WDR37: variants seen among roughly 807,000 people sequenced by gnomAD.
WDR37 encodes the protein WD repeat-containing protein 37.
In WDR37, 19 loss-of-function variants were observed where a neutral mutation model predicts 62.9. The ratio of observed to expected loss-of-function variants is 0.30; its 90% confidence interval spans 0.21 to 0.44. The LOEUF (loss-of-function observed/expected upper bound fraction) is 0.44, where lower values mean the gene tolerates loss of function less well. Among genes scored for constraint, WDR37 ranks in the 20% least tolerant of loss-of-function variants. WDR37 has a pLI of 1.00. For synonymous variants in WDR37, 250 were observed against 260.9 expected (o/e 0.96, Z 0.40); for missense variants, 474 against 657.6 (o/e 0.72, Z 3.05).
intron 9 of WDR37, among the ~76,000 whole-genome samples, chr10:1,097,895 G>C (rs1208724576): frequency 6.6e-6 from 1 of 152,178 alleles, no homozygotes. Context: ...TACGGCTGGA[G>C]GGGAGCTCAG....
chr10:1,126,075 G>A (rs1353550664), intron 13 of WDR37, among the ~76,000 whole-genome samples: 1 of 152,204 alleles, frequency 6.6e-6, no homozygotes, highest in Non-Finnish European at 1.5e-5. Flanking sequence ...GCTCTCCCCT[G>A]GGAGGTCACA....
At chr10:1,074,604 G>A in intron 2 of WDR37, 4 of 1,092,224 alleles carry the variant, frequency 3.7e-6, no homozygotes, top group Non-Finnish European at 5.0e-6. Context: ...CCTGCCGTGG[G>A]CGGGAGAGAG....
chr10:1,089,351 T>C (rs1225381648), intron 7 of WDR37, among the ~76,000 whole-genome samples: 1 of 152,104 alleles, frequency 6.6e-6, no homozygotes, highest in Non-Finnish European at 1.5e-5. Flanking sequence ...CGTCAGCTAG[T>C]GGGGCTTCCA....
At chr10:1,110,536 G>C (rs1835180469) in intron 11 of WDR37, among the ~76,000 whole-genome samples, 1 of 152,200 alleles carries the variant, frequency 6.6e-6, no homozygotes, top group Non-Finnish European at 1.5e-5. Flanking sequence ...ACCAGGGTGA[G>C]GGCCTCGCAG....
chr10:1,092,214 C>G (rs1431027105), intron 7 of WDR37, among the ~76,000 whole-genome samples: 3 of 142,864 alleles, frequency 2.1e-5, no homozygotes, highest in Non-Finnish European at 1.5e-5. Context: ...TGATAGCTTC[C>G]TCAGACCTCT....
At chr10:1,091,760 C>G (rs1014756802) in intron 7 of WDR37, among the ~76,000 whole-genome samples, 11 of 152,152 alleles carry the variant, frequency 7.2e-5, no homozygotes, top group African/African-American at 2.2e-4. Flanking sequence ...GAGCCGGGCT[C>G]TGTGTTCAAT....
chr10:1,073,749 C>T (rs1053113411), intron 2 of WDR37, among the ~76,000 whole-genome samples: 1 of 152,162 alleles, frequency 6.6e-6, no homozygotes, highest in Non-Finnish European at 1.5e-5. Context: ...TGTGGCTCGC[C>T]GACACCATCT....
At position 1,093,880 on chromosome 10, in the gene WDR37, G is replaced by C. The variant is rs538371417; in HGVS notation, c.649+384G>C. On this transcript the variant is annotated intron_variant, in intron 8 of 13. Transcript: ENST00000263150. ...GAGGAAAAGAGAAAAGTAGCACAGA[G>C]ACACAGCAAGTTGCCAATGTCAGCA... Among the ~76,000 whole-genome samples, 33 of 152,334 alleles carry C rather than the reference G, an allele frequency of 2.2e-4. No individual in the cohort carries two copies. In the South Asian group the frequency reaches 5.2e-3, roughly 24 times the overall value.
intron 11 of WDR37, among the ~76,000 whole-genome samples, chr10:1,115,023 CTTT>C (rs1404137483): frequency 1.3e-5 from 2 of 148,214 alleles, no homozygotes; most frequent in African/African-American, 2.4e-5. Context: ...CCCCATCTCC[CTTT>C]TTTGTTTTTT....
At chr10:1,075,298 A>G (rs1006716873) in intron 2 of WDR37, among the ~76,000 whole-genome samples, 6 of 124,658 alleles carry the variant, frequency 4.8e-5, no homozygotes, top group Non-Finnish European at 8.4e-5. Context: ...TTTTAAATTT[A>G]TACTTTAAGT....
intron 13 of WDR37, among the ~76,000 whole-genome samples, chr10:1,125,586 G>A (rs1186134813): frequency 6.6e-6 from 1 of 152,200 alleles, no homozygotes; most frequent in East Asian, 1.9e-4. Flanking sequence ...TCACAGGCAT[G>A]CGGAACGAGC....
chr10:1,069,389 A>ATATATATTTTTTTTT, intron 1 of WDR37, among the ~76,000 whole-genome samples: 2 of 95,808 alleles, frequency 2.1e-5, no homozygotes, highest in African/African-American at 9.4e-5. Flanking sequence ...ATATATATAT[A>ATATATATTTTTTTTT]TTTTTTTTTT....
In WDR37 at chr10:1,131,995, AT is replaced by A. The variant is rs1266767960; in HGVS notation, c.*2654del. On this transcript the variant is annotated 3_prime_UTR_variant, in exon 14 of 14. Transcript: ENST00000263150. ...GAATCTGAAGAATCCTATGTAAATC[AT>A]TTGTTACTTAAGTCTGTGAAAAACA... The A allele has an allele frequency of 1.3e-5, 2 of 152,642 alleles. No homozygotes were observed. Among genetic ancestry groups the A allele is most frequent in the African/African-American group, 4.8e-5 (2 of 41,466 alleles). The allele number at this position is 152,642 out of a possible 1,614,324, so 9.5% of individuals were successfully genotyped here.
chr10:1,057,890 T>C (rs1833244758), intron 1 of WDR37, among the ~76,000 whole-genome samples: 1 of 152,248 alleles, frequency 6.6e-6, no homozygotes, highest in Non-Finnish European at 1.5e-5. Context: ...GTTACGGTCA[T>C]AAAAGTATTG....
chr10:1,107,545 A>G (rs1011928646), intron 11 of WDR37, among the ~76,000 whole-genome samples: 1 of 149,672 alleles, frequency 6.7e-6, no homozygotes, highest in Non-Finnish European at 1.5e-5. Flanking sequence ...CTGTCTCTTT[A>G]CACATGTGTA....
intron 7 of WDR37, among the ~76,000 whole-genome samples, chr10:1,087,171 A>G (rs148651711): frequency 1.0e-3 from 154 of 152,220 alleles, no homozygotes; most frequent in African/African-American, 3.7e-3. Flanking sequence ...CTTGCCCTGG[A>G]CATTTCCCCT....
chr10:1,090,622 G>A lies in WDR37; in HGVS notation c.605-2830G>A, dbSNP rs777535881. Among the ~76,000 whole-genome samples the A allele has an allele frequency of 4.8e-4, 73 of 151,922 alleles. 1 individual carries two copies. Among genetic ancestry groups the A allele is most frequent in the Non-Finnish European group, 1.3e-4 (9 of 67,948 alleles). On this transcript the variant is annotated intron_variant, in intron 7 of 13. Transcript: ENST00000263150. ...CACAATGCCCAACAGCAGACTCCCC[G>A]CTCTGGCCCCCAGGAGAGGAAAATG... is the stretch of plus-strand genomic sequence containing the variant.
chr10:1,126,664 G>A (rs974393487), intron 13 of WDR37, among the ~76,000 whole-genome samples: 5 of 152,322 alleles, frequency 3.3e-5, no homozygotes, highest in Non-Finnish European at 7.3e-5. Context: ...ATGGCTCGTG[G>A]GCCGCAGCTG....
At chr10:1,086,830 C>T (rs1012416678) in intron 7 of WDR37, among the ~76,000 whole-genome samples, 10 of 152,218 alleles carry the variant, frequency 6.6e-5, no homozygotes, top group Admixed American at 3.9e-4. Context: ...ACGCTGTTCA[C>T]GTAGCTCTTT....
Sources: gnomAD v4.1 joint callset for allele counts (sites outside exome capture counted in the v4.1 genomes callset) on GRCh38, gnomAD v4.1.1 for gene constraint, MANE v1.5 for transcripts, NCBI Gene and HGNC (gene_info 2026-07-23, HGNC 2026-07-21) for gene names.